EYS: variants seen among roughly 807,000 people sequenced by gnomAD.
The protein encoded by EYS is EGF-like photoreceptor maintenance factor.
EYS carries 250 observed loss-of-function variants against 282.1 expected under a neutral mutation model. The ratio of observed to expected loss-of-function variants is 0.89; its 90% confidence interval spans 0.80 to 0.98. The LOEUF is 0.98. Among genes scored for constraint, EYS ranks in the 50% least tolerant of loss-of-function variants. EYS has a pLI of 0.00. For missense variants in EYS, 4,016 were observed against 3,709.0 expected (o/e 1.08, Z -2.15); for synonymous variants, 1,355 against 1,282.9 (o/e 1.06, Z -1.20).
intron 11 of EYS, among the ~76,000 whole-genome samples, chr6:65,315,236 C>A (rs1405637580): frequency 1.3e-5 from 2 of 152,018 alleles, no homozygotes; most frequent in Non-Finnish European, 2.9e-5. Context: ...TTTTATTTGT[C>A]TTTTTCTCTC....
chr6:64,319,527 C>T (rs960176346), intron 29 of EYS, among the ~76,000 whole-genome samples: 1 of 151,930 alleles, frequency 6.6e-6, no homozygotes, highest in Non-Finnish European at 1.5e-5. Context: ...TACATGCTCT[C>T]GATATTGGAT....
At chr6:64,092,704 G>T (rs1211407481) in intron 31 of EYS, among the ~76,000 whole-genome samples, 4 of 151,602 alleles carry the variant, frequency 2.6e-5, no homozygotes, top group Non-Finnish European at 5.9e-5. Context: ...TTTGTAGGTT[G>T]CCTGTTCACT....
chr6:64,633,133 T>C, intron 22 of EYS, among the ~76,000 whole-genome samples: 1 of 152,178 alleles, frequency 6.6e-6, no homozygotes, highest in Non-Finnish European at 1.5e-5. Flanking sequence ...CAATTATGCA[T>C]ACAGATTAAG....
At chr6:64,026,642 G>A (rs868034850) in intron 33 of EYS, among the ~76,000 whole-genome samples, 1 of 152,150 alleles carries the variant, frequency 6.6e-6, no homozygotes, top group Admixed American at 6.5e-5. Context: ...AATATGCAAA[G>A]CTTGCAATTT....
intron 11 of EYS, chr6:65,332,071 A>G (rs1769816101): frequency 6.9e-6 from 2 of 288,640 alleles, no homozygotes; most frequent in African/African-American, 2.2e-5. Flanking sequence ...TTAAAATTCC[A>G]GTCTTTCAGC....
chr6:65,006,568 T>TA (rs1771671545), intron 13 of EYS, among the ~76,000 whole-genome samples: 1 of 145,444 alleles, frequency 6.9e-6, no homozygotes. Flanking sequence ...AGTATGGGGC[T>TA]ATTATGTTAG....
chr6:65,667,460 T>C (rs1768238977), intron 1 of EYS, among the ~76,000 whole-genome samples: 2 of 152,008 alleles, frequency 1.3e-5, no homozygotes, highest in East Asian at 1.9e-4. Context: ...CCATTTCCTC[T>C]GACTGGTAAG....
intron 29 of EYS, among the ~76,000 whole-genome samples, chr6:64,375,161 G>C (rs1554150320): frequency 2.0e-5 from 3 of 152,134 alleles, no homozygotes; most frequent in Non-Finnish European, 2.9e-5. Context: ...AATATATTTT[G>C]TTAATTAGTA....
At chr6:64,555,652 A>G (rs1248673375) in intron 26 of EYS, among the ~76,000 whole-genome samples, 1 of 151,930 alleles carries the variant, frequency 6.6e-6, no homozygotes, top group Non-Finnish European at 1.5e-5. Context: ...TATGTACAAA[A>G]AGGAAATACA....
At chr6:64,108,955 C>G (rs1361316505) in intron 31 of EYS, among the ~76,000 whole-genome samples, 1 of 152,046 alleles carries the variant, frequency 6.6e-6, no homozygotes, top group Non-Finnish European at 1.5e-5. Context: ...AAGGAGAAAT[C>G]AGGCACCTGG....
chr6:64,446,136 C>T (rs1267697819), intron 26 of EYS, among the ~76,000 whole-genome samples: 1 of 152,148 alleles, frequency 6.6e-6, no homozygotes, highest in Non-Finnish European at 1.5e-5. Context: ...TGAGTCTAGC[C>T]ATTTAAAAAT....
intron 36 of EYS, among the ~76,000 whole-genome samples, chr6:63,843,596 G>A (rs965835087): frequency 7.2e-5 from 11 of 152,090 alleles, no homozygotes; most frequent in Non-Finnish European, 1.2e-4. Context: ...TTGATGGAAC[G>A]TATCTCAAAA....
In EYS at chr6:65,523,266, C is replaced by T. The variant is rs115794193; in HGVS notation, c.-332-27273G>A. ...CATCATACTGTAAATTATAAAAACA[C>T]TTATGTGACAGTTAAAAAAATAAAT... On this transcript the variant is annotated intron_variant, in intron 2 of 42. Transcript: ENST00000503581. Among the ~76,000 whole-genome samples the T allele has an allele frequency of 7.7e-3, 1,172 of 152,004 alleles. 19 individuals are homozygous for T. Among genetic ancestry groups the T allele is most frequent in the African/African-American group, 0.025 (1,051 of 41,454 alleles).
intron 22 of EYS, among the ~76,000 whole-genome samples, chr6:64,647,641 C>A (rs761339993): frequency 6.6e-6 from 1 of 151,934 alleles, no homozygotes; most frequent in Non-Finnish European, 1.5e-5. Flanking sequence ...TAAAAATATT[C>A]TGATAATGAA....
At chr6:65,557,267 C>T (rs1020389157) in intron 2 of EYS, among the ~76,000 whole-genome samples, 1 of 152,182 alleles carries the variant, frequency 6.6e-6, no homozygotes, top group Admixed American at 6.5e-5. Context: ...CCAGATCCCA[C>T]ACCTGCCAAG....
intron 26 of EYS, among the ~76,000 whole-genome samples, chr6:64,562,173 ATT>A (rs529249673): frequency 6.8e-6 from 1 of 146,618 alleles, no homozygotes. Context: ...CATCATCAGG[ATT>A]TTTTTTTTTA....
At chr6:65,622,347 G>T (rs1014520012) in intron 2 of EYS, among the ~76,000 whole-genome samples, 1 of 152,114 alleles carries the variant, frequency 6.6e-6, no homozygotes, top group African/African-American at 2.4e-5. Context: ...AAATTACCTT[G>T]AAATACATCA....
In EYS at chr6:65,144,375, G is replaced by C. The variant is rs929728096; in HGVS notation, c.2024-86648C>G. ...GGTATTCTTATTGTGAATTCAGTAA[G>C]CTCACCTGAGCAATATTTCTTTAGA... On this transcript the variant is annotated intron_variant, in intron 12 of 42. Transcript: ENST00000503581. Among the ~76,000 whole-genome samples the C allele has an allele frequency of 2.6e-5, 4 of 152,090 alleles. No individual in the cohort carries two copies. In the South Asian group the frequency reaches 8.3e-4, roughly 31 times the overall value.
intron 26 of EYS, among the ~76,000 whole-genome samples, chr6:64,502,221 GTT>G (rs10710004): frequency 1.3e-5 from 2 of 150,016 alleles, no homozygotes; most frequent in East Asian, 2.0e-4. Flanking sequence ...CAGCAGGCTG[GTT>G]TTTTTTTTGT....
Sources: allele counts gnomAD v4.1 joint callset (sites outside exome capture counted in the v4.1 genomes callset), GRCh38; gene constraint gnomAD v4.1.1; transcripts MANE v1.5; gene names NCBI Gene and HGNC (gene_info 2026-07-23, HGNC 2026-07-21).